The following SMCO4 variants were observed in gnomAD, a reference collection of about 807,000 sequenced individuals.
SMCO4 encodes single-pass membrane and coiled-coil domain-containing protein 4.
SMCO4 carries 4 observed loss-of-function variants against 3.6 expected under a neutral mutation model. That is an observed-to-expected ratio of 1.11 (90% confidence interval 0.54 to 2.53). The LOEUF (loss-of-function observed/expected upper bound fraction) is 2.53. SMCO4 is among the 30% of genes most tolerant of loss of function. The pLI is 0.02. For missense variants in SMCO4, 70 were observed against 80.8 expected (o/e 0.87, Z 0.51); for synonymous variants, 36 against 35.3 (o/e 1.02, Z -0.07).
upstream of SMCO4, among the ~76,000 whole-genome samples, chr11:93,547,583 G>T (rs547720576): frequency 2.6e-5 from 4 of 152,158 alleles, no homozygotes; most frequent in Non-Finnish European, 5.9e-5. Flanking sequence ...AAGGGACTGC[G>T]TTTGCTTGCC....
At chr11:93,479,337 C>A (rs1289990185) in intron 2 of SMCO4, 68 bp from the exon 3 acceptor site, 4 of 1,346,360 alleles carry the variant, frequency 3.0e-6, no homozygotes, top group Non-Finnish European at 3.9e-6. Context: ...CACTTAAAGG[C>A]AAATACACAA....
intron 1 of SMCO4, among the ~76,000 whole-genome samples, chr11:93,523,049 T>C (rs1263660870): frequency 6.6e-6 from 1 of 152,186 alleles, no homozygotes; most frequent in Non-Finnish European, 1.5e-5. Context: ...TCCTCTGGAA[T>C]TTCCCCTATA....
At chr11:93,506,662 C>T (rs188311881) in intron 1 of SMCO4, among the ~76,000 whole-genome samples, 3 of 152,134 alleles carry the variant, frequency 2.0e-5, no homozygotes, top group East Asian at 1.9e-4. Context: ...AGGATGGTCT[C>T]GCTCTCCTGA....
intron 2 of SMCO4, among the ~76,000 whole-genome samples, chr11:93,490,687 T>A (rs1948704500): frequency 6.6e-6 from 1 of 152,234 alleles, no homozygotes; most frequent in African/African-American, 2.4e-5. Context: ...GTGGAAACAC[T>A]ACCTCCAGAG....
intron 1 of SMCO4, among the ~76,000 whole-genome samples, chr11:93,517,679 C>T (rs1241302492): frequency 3.9e-5 from 6 of 152,088 alleles, no homozygotes; most frequent in African/African-American, 1.2e-4. Context: ...CCATTATCTC[C>T]GCTGATTCTC....
rs745421729 is a variant in SMCO4 at position 93,479,162 on chromosome 11, T to C, written c.28A>G (p.Lys10Glu). 3 of 1,613,950 alleles carry C rather than the reference T, an allele frequency of 1.9e-6. No individual in the cohort carries two copies. The African/African-American group carries it at 4.0e-5, about 22-fold the overall frequency. MRQLKGKPK[K>E]ETSKDKKERK... ...TCCTTCTTGTCCTTGGAGGTCTCCT[T>C]CTTGGGCTTCCCTTTGAGCTGCCGC... The change falls in exon 3 of 3, where the codon AAG becomes GAG. Residue 10 changes from lysine (K) to glutamate (E), a missense_variant. Lys to Glu is a moderately conservative substitution (Grantham distance 56). Transcript: ENST00000298966.
chr11:93,531,299 T>G (rs2134631401), intron 1 of SMCO4, among the ~76,000 whole-genome samples: 1 of 152,310 alleles, frequency 6.6e-6, no homozygotes, highest in African/African-American at 2.4e-5. Flanking sequence ...ACTGAGAAAC[T>G]GGCTCTTCCT....
At chr11:93,539,439 A>G (rs1375921008) in intron 1 of SMCO4, among the ~76,000 whole-genome samples, 2 of 152,234 alleles carry the variant, frequency 1.3e-5, no homozygotes, top group East Asian at 1.9e-4. Flanking sequence ...CTTTTAAAAT[A>G]TAAGTCTCTA....
rs7126734 is a variant in SMCO4, at chr11:93,481,510, T to C, written c.-80-2241A>G. On this transcript the variant is annotated intron_variant, in intron 2 of 2. Coordinates refer to ENST00000298966, the MANE Select transcript of SMCO4 (RefSeq NM_020179.3). The stretch of plus-strand genomic sequence containing the variant: ...CACAGAGCGGGCGGCGAATTCGTGC[T>C]AGCTGACATACCAACACCTGGAACA... 4.7e-3 allele frequency: 4,608 copies of C among 985,340 alleles called. 166 individuals are homozygous for C. The African/African-American group carries it at 0.075, about 16-fold the overall frequency. The allele number at this position is 985,340 out of a possible 1,614,324, so 61.0% of individuals were successfully genotyped here. A position where few individuals can be genotyped will look rare whatever the true frequency, so the allele number is the denominator to read the frequency against.
At chr11:93,480,255 G>A (rs931329746) in intron 2 of SMCO4, among the ~76,000 whole-genome samples, 3 of 152,090 alleles carry the variant, frequency 2.0e-5, no homozygotes, top group Non-Finnish European at 2.9e-5. Flanking sequence ...GCCATAACTG[G>A]AGCCCAACTC....
At chr11:93,547,601 A>G (rs1279661467), upstream of SMCO4, among the ~76,000 whole-genome samples, 1 of 152,200 alleles carries the variant, frequency 6.6e-6, no homozygotes, top group African/African-American at 2.4e-5. Context: ...GCCCACTACT[A>G]TACCTTCAAT....
chr11:93,510,690 C>A (rs531133875), intron 1 of SMCO4, among the ~76,000 whole-genome samples: 5 of 152,234 alleles, frequency 3.3e-5, no homozygotes, highest in Admixed American at 1.3e-4. Context: ...ATCTGCGGCT[C>A]AGGACTCCTT....
At chr11:93,506,635 G>T (rs916327014) in intron 1 of SMCO4, among the ~76,000 whole-genome samples, 5 of 151,942 alleles carry the variant, frequency 3.3e-5, no homozygotes, top group African/African-American at 1.2e-4. Flanking sequence ...TAGAGACGGG[G>T]TTTCACCATG....
At chr11:93,514,422 A>ATACACATATATAT (rs1948990819) in intron 1 of SMCO4, among the ~76,000 whole-genome samples, 6 of 103,890 alleles carry the variant, frequency 5.8e-5, no homozygotes, top group Non-Finnish European at 8.0e-5. Context: ...ATATATATAT[A>ATACACATATATAT]AAATTTGGTC....
Position 93,534,987 on chromosome 11 carries a change from T to A in SMCO4, c.-154+8289A>T, listed in dbSNP as rs370122924. On this transcript the variant is annotated intron_variant, in intron 1 of 2. Transcript: ENST00000298966. ...CATGCAACTAGAAGAAAACATCTGC[T>A]TTACCACATTCCTGGAGGCTTTTCC... Among the ~76,000 whole-genome samples the A allele has an allele frequency of 4.1e-4, 62 of 152,306 alleles. No individual in the cohort carries two copies. In the East Asian group the frequency reaches 4.6e-3, roughly 11 times the overall value.
At chr11:93,519,781 G>C (rs1949041239) in intron 1 of SMCO4, among the ~76,000 whole-genome samples, 1 of 152,198 alleles carries the variant, frequency 6.6e-6, no homozygotes, top group Non-Finnish European at 1.5e-5. Context: ...TGAGAAGTGT[G>C]ACAGGTGCAA....
At chr11:93,534,190 C>CAA (rs1168392909) in intron 1 of SMCO4, among the ~76,000 whole-genome samples, 3 of 110,448 alleles carry the variant, frequency 2.7e-5, no homozygotes, top group African/African-American at 7.7e-5. Flanking sequence ...GACTCCGTCT[C>CAA]AAAAAAAAAA....
At chr11:93,480,793 T>A (rs1354986713) in intron 2 of SMCO4, among the ~76,000 whole-genome samples, 1 of 152,194 alleles carries the variant, frequency 6.6e-6, no homozygotes, top group Non-Finnish European at 1.5e-5. Context: ...GGGAAAGGTC[T>A]TACTGACACC....
intron 1 of SMCO4, among the ~76,000 whole-genome samples, chr11:93,527,087 T>G (rs1008905654): frequency 7.2e-5 from 11 of 152,222 alleles, no homozygotes; most frequent in Non-Finnish European, 1.6e-4. Context: ...AGGCAGCACC[T>G]GCGTCAGCCA....
Sources: allele counts gnomAD v4.1 joint callset (sites outside exome capture counted in the v4.1 genomes callset), GRCh38; gene constraint gnomAD v4.1.1; transcripts MANE v1.5; gene names NCBI Gene and HGNC (gene_info 2026-07-23, HGNC 2026-07-21).